NRXN3: variants seen among roughly 807,000 people sequenced by gnomAD.
The protein encoded by NRXN3 is neurexin III.
Under a neutral mutation model 137.6 loss-of-function variants are expected in NRXN3, and 32 were observed. The ratio of observed to expected loss-of-function variants is 0.23; its 90% CI spans 0.18 to 0.31. The LOEUF (loss-of-function observed/expected upper bound fraction) is 0.31. Among genes scored for constraint, NRXN3 ranks in the 10% least tolerant of loss-of-function variants. The pLI, the probability that NRXN3 is intolerant of heterozygous loss-of-function variation, is 1.00. For missense variants in NRXN3, 1,574 were observed against 2,062.5 expected (o/e 0.76, Z 4.59); for synonymous variants, 798 against 784.5 (o/e 1.02, Z -0.29).
rs140619090 is a variant in NRXN3 at position 78,847,428 on chromosome 14, G to A, written c.2275+37084G>A. On this transcript the variant is annotated intron_variant, in intron 10 of 20. Coordinates refer to ENST00000335750, the MANE Select transcript of NRXN3 (RefSeq NM_001330195.2). Reference sequence around the variant, plus strand: ...CCCCAGCACTTAAGAGAGCAGGGCTGTGTACTGTTCAAAAAGCACTTTGTC... The same window carrying A: ...CCCCAGCACTTAAGAGAGCAGGGCTATGTACTGTTCAAAAAGCACTTTGTC... 9.2e-5 allele frequency among the ~76,000 whole-genome samples: 14 copies of A among 152,216 alleles called. No homozygotes were observed. In the East Asian group the frequency reaches 2.7e-3, roughly 29 times the overall value.
intron 15 of NRXN3, among the ~76,000 whole-genome samples, chr14:79,034,549 A>G (rs2152504239): frequency 6.6e-6 from 1 of 152,262 alleles, no homozygotes; most frequent in African/African-American, 2.4e-5. Context: ...CGCACTTGGG[A>G]TGGGAGAGTC....
chr14:79,275,424 T>C (rs961255801), intron 15 of NRXN3, among the ~76,000 whole-genome samples: 5 of 152,148 alleles, frequency 3.3e-5, no homozygotes, highest in African/African-American at 9.7e-5. Flanking sequence ...GAGATGTGCC[T>C]GCGAAGAACA....
At chr14:78,762,417 G>A (rs1202042721) in intron 8 of NRXN3, among the ~76,000 whole-genome samples, 1 of 152,058 alleles carries the variant, frequency 6.6e-6, no homozygotes, top group South Asian at 2.1e-4. Flanking sequence ...TCTTACCAGC[G>A]GGGACTTTGC....
chr14:78,212,875 A>C (rs2062880299), intron 1 of NRXN3, among the ~76,000 whole-genome samples: 1 of 152,130 alleles, frequency 6.6e-6, no homozygotes, highest in South Asian at 2.1e-4. Context: ...ATAGAATCTC[A>C]ATACCAAAAA....
intron 15 of NRXN3, among the ~76,000 whole-genome samples, chr14:79,178,133 C>T (rs1368129395): frequency 1.3e-5 from 2 of 152,190 alleles, no homozygotes; most frequent in Non-Finnish European, 2.9e-5. Flanking sequence ...GGCTGGGCTC[C>T]ACCCAGGTTT....
At chr14:79,095,549 G>T (rs1178826019) in intron 15 of NRXN3, among the ~76,000 whole-genome samples, 6 of 67,128 alleles carry the variant, frequency 8.9e-5, no homozygotes. Context: ...TATTTACAGA[G>T]CACCTACTAT....
chr14:79,563,247 G>A (rs572071982), intron 16 of NRXN3, among the ~76,000 whole-genome samples: 72 of 152,208 alleles, frequency 4.7e-4, no homozygotes, highest in African/African-American at 1.7e-3. Context: ...AATAGGAAAC[G>A]GAGAAGTAGA....
chr14:78,348,412 A>T (rs2083033083), intron 4 of NRXN3, among the ~76,000 whole-genome samples: 1 of 152,226 alleles, frequency 6.6e-6, no homozygotes, highest in Admixed American at 6.5e-5. Context: ...TGCGATAAGG[A>T]TTCCAAGATG....
intron 17 of NRXN3, among the ~76,000 whole-genome samples, chr14:79,666,179 A>C (rs2153989662): frequency 6.6e-6 from 1 of 152,184 alleles, no homozygotes; most frequent in South Asian, 2.1e-4. Flanking sequence ...ATGCTTTCAA[A>C]ATATATTAGA....
intron 1 of NRXN3, among the ~76,000 whole-genome samples, chr14:78,215,782 G>A (rs1160423803): frequency 2.8e-5 from 4 of 144,864 alleles, no homozygotes. Flanking sequence ...GGGGGGGGCA[G>A]GGGTTAGTTT....
chr14:78,554,878 G>T (rs888060987), intron 4 of NRXN3, among the ~76,000 whole-genome samples: 2 of 152,082 alleles, frequency 1.3e-5, no homozygotes, highest in Admixed American at 1.3e-4. Flanking sequence ...TACTTGACAG[G>T]TATCTAAATC....
chr14:79,770,134 G>C, intron 19 of NRXN3, among the ~76,000 whole-genome samples: 1 of 151,594 alleles, frequency 6.6e-6, no homozygotes, highest in East Asian at 1.9e-4. Context: ...CAAGTCCTGA[G>C]TGACCTACAA....
At chr14:78,651,354 C>T (rs1198962458) in intron 6 of NRXN3, 28 bp downstream of exon 6, 2 of 1,607,648 alleles carry the variant, frequency 1.2e-6, no homozygotes. Context: ...CTATTTAATG[C>T]ACCATGTGAT....
intron 16 of NRXN3, among the ~76,000 whole-genome samples, chr14:79,511,954 C>T (rs998012300): frequency 9.9e-5 from 15 of 152,160 alleles, no homozygotes; most frequent in Non-Finnish European, 2.1e-4. Flanking sequence ...GGCTGGAGTG[C>T]AATGGTGCGA....
At chr14:78,610,462 T>C (rs1476549552) in intron 4 of NRXN3, among the ~76,000 whole-genome samples, 3 of 152,226 alleles carry the variant, frequency 2.0e-5, no homozygotes, top group African/African-American at 4.8e-5. Context: ...GGCTCATCAC[T>C]TGGGGTGTGT....
intron 4 of NRXN3, among the ~76,000 whole-genome samples, chr14:78,417,470 A>G (rs2093205079): frequency 1.3e-5 from 2 of 151,902 alleles, no homozygotes; most frequent in Non-Finnish European, 1.5e-5. Flanking sequence ...TCCCCTCATC[A>G]TTTCACTTCT....
At chr14:79,507,528 A>G (rs573008487) in intron 16 of NRXN3, among the ~76,000 whole-genome samples, 2 of 152,352 alleles carry the variant, frequency 1.3e-5, no homozygotes, top group South Asian at 4.1e-4. Context: ...TCTCTGATTA[A>G]TAAAATACCA....
intron 4 of NRXN3, among the ~76,000 whole-genome samples, chr14:78,427,583 G>A (rs1183159628): frequency 6.6e-6 from 1 of 152,228 alleles, no homozygotes; most frequent in Non-Finnish European, 1.5e-5. Context: ...AAATGTAAAA[G>A]AAATTGCATC....
intron 16 of NRXN3, among the ~76,000 whole-genome samples, chr14:79,560,513 T>TTTTTTTTTTTTTTTTG (rs2097484222): frequency 8.3e-6 from 1 of 120,504 alleles, no homozygotes; most frequent in African/African-American, 3.1e-5. Flanking sequence ...GCTTTTTTTT[T>TTTTTTTTTTTTTTTTG]TTTTTTTTTT....
Sources: gnomAD v4.1 joint callset for allele counts (sites outside exome capture counted in the v4.1 genomes callset) on GRCh38, gnomAD v4.1.1 for gene constraint, MANE v1.5 for transcripts, NCBI Gene and HGNC (gene_info 2026-07-23, HGNC 2026-07-21) for gene names.